The following ATP13A4 variants were observed in gnomAD, a reference collection of about 807,000 sequenced individuals.
ATP13A4 encodes ATPase 13A4.
A neutral mutation model predicts 142.5 loss-of-function variants in ATP13A4; 114 were observed. That is an observed-to-expected ratio of 0.80 (90% CI 0.69 to 0.93). The LOEUF is 0.93. Among genes scored for constraint, ATP13A4 ranks in the 40% least tolerant of loss-of-function variants. The pLI is 0.00. For missense variants in ATP13A4, 1,392 were observed against 1,454.0 expected (o/e 0.96, Z 0.69); for synonymous variants, 488 against 514.8 (o/e 0.95, Z 0.70).
chr3:193,440,728 G>A, intron 20 of ATP13A4, 91 bp from the exon 21 acceptor site: 1 of 1,338,430 alleles, frequency 7.5e-7, no homozygotes, highest in Non-Finnish European at 1.1e-6. Context: ...ACTGCATCAT[G>A]ACACTTACGA....
At chr3:193,530,901 C>T (rs1422551985) in intron 1 of ATP13A4, among the ~76,000 whole-genome samples, 1 of 152,130 alleles carries the variant, frequency 6.6e-6, no homozygotes, top group Non-Finnish European at 1.5e-5. Context: ...CTCTGTTCTC[C>T]TCATCCCACC....
intron 1 of ATP13A4, among the ~76,000 whole-genome samples, chr3:193,527,699 T>C (rs908853852): frequency 6.6e-6 from 1 of 151,816 alleles, no homozygotes; most frequent in African/African-American, 2.4e-5. Flanking sequence ...TCACCTTCCA[T>C]CATGATTGTA....
chr3:193,592,523 A>G (rs1285576322), intron 1 of ATP13A4, among the ~76,000 whole-genome samples: 1 of 152,226 alleles, frequency 6.6e-6, no homozygotes. Flanking sequence ...TGGCAGGCTC[A>G]CTGGCCACAA....
At chr3:193,507,084 CA>C (rs1013878532) in intron 2 of ATP13A4, among the ~76,000 whole-genome samples, 2 of 151,984 alleles carry the variant, frequency 1.3e-5, no homozygotes, top group South Asian at 2.1e-4. Flanking sequence ...GTTCACTACA[CA>C]AAAAAATGTA....
intron 25 of ATP13A4, among the ~76,000 whole-genome samples, chr3:193,425,412 C>T (rs1258991012): frequency 6.6e-6 from 1 of 151,578 alleles, no homozygotes; most frequent in African/African-American, 2.4e-5. Flanking sequence ...TCTGCACTCC[C>T]GTGTTTATTG....
At chr3:193,481,644 T>C (rs1288102409) in intron 8 of ATP13A4, among the ~76,000 whole-genome samples, 1 of 152,172 alleles carries the variant, frequency 6.6e-6, no homozygotes, top group Non-Finnish European at 1.5e-5. Context: ...ATCTATGGTA[T>C]TTTCTTGGCA....
intron 2 of ATP13A4, among the ~76,000 whole-genome samples, chr3:193,579,646 G>C (rs1174686092): frequency 6.6e-6 from 1 of 152,062 alleles, no homozygotes; most frequent in Non-Finnish European, 1.5e-5. Flanking sequence ...ACAGGATGTG[G>C]GGAGAAATGA....
chr3:193,497,858 A>T (rs1560233833), intron 3 of ATP13A4, among the ~76,000 whole-genome samples: 1 of 152,166 alleles, frequency 6.6e-6, no homozygotes. Context: ...TGTGAAATCT[A>T]AAAAAGCTGA....
At chr3:193,446,042 A>G (rs1427923324) in intron 18 of ATP13A4, among the ~76,000 whole-genome samples, 1 of 152,152 alleles carries the variant, frequency 6.6e-6, no homozygotes, top group Admixed American at 6.5e-5. Flanking sequence ...GCATGCCTGC[A>G]GTCCCAGTTA....
chr3:193,537,305 C>A (rs1259993349), intron 1 of ATP13A4, among the ~76,000 whole-genome samples: 1 of 152,064 alleles, frequency 6.6e-6, no homozygotes, highest in Non-Finnish European at 1.5e-5. Flanking sequence ...ATACACCCAA[C>A]AGATTTTTGA....
At chr3:193,547,610 TC>T (rs1168114179) in intron 1 of ATP13A4, among the ~76,000 whole-genome samples, 3 of 152,210 alleles carry the variant, frequency 2.0e-5, no homozygotes, top group African/African-American at 7.2e-5. Context: ...AATTGTTCCT[TC>T]TTCTGTGTTC....
intron 1 of ATP13A4, among the ~76,000 whole-genome samples, chr3:193,585,654 T>A (rs1724653753): frequency 6.6e-6 from 1 of 152,172 alleles, no homozygotes; most frequent in African/African-American, 2.4e-5. Flanking sequence ...GTTAGATTCA[T>A]TCGTGTTGTT....
intron 28 of ATP13A4, among the ~76,000 whole-genome samples, chr3:193,409,844 G>C (rs992130376): frequency 6.6e-6 from 1 of 152,112 alleles, no homozygotes; most frequent in Non-Finnish European, 1.5e-5. Context: ...AGTCTGATAC[G>C]CAATGATCAG....
At chr3:193,554,485 T>G in intron 1 of ATP13A4, 1 of 559,614 alleles carries the variant, frequency 1.8e-6, no homozygotes, top group South Asian at 2.0e-5. Flanking sequence ...CTCTCTGTTT[T>G]CTTTAAAAAG....
intron 3 of ATP13A4, among the ~76,000 whole-genome samples, chr3:193,499,597 A>G (rs1720425796): frequency 6.6e-6 from 1 of 152,220 alleles, no homozygotes; most frequent in East Asian, 1.9e-4. Flanking sequence ...TCCAGAGTTC[A>G]ATCTCTCAAA....
intron 8 of ATP13A4, among the ~76,000 whole-genome samples, chr3:193,478,806 A>G (rs1464023097): frequency 1.4e-5 from 2 of 147,610 alleles, no homozygotes; most frequent in Non-Finnish European, 3.0e-5. Flanking sequence ...CCAGGGAACG[A>G]CATAACAAAA....
chr3:193,553,725 T>A (rs1468321871), intron 1 of ATP13A4: 2 of 152,208 alleles, frequency 1.3e-5, no homozygotes, highest in Non-Finnish European at 2.9e-5. Context: ...GCAGAAGGGA[T>A]CTACTCTTGA....
intron 21 of ATP13A4, 92 bp downstream of exon 21, chr3:193,440,466 G>T: frequency 6.3e-7 from 1 of 1,591,260 alleles, no homozygotes; most frequent in Non-Finnish European, 8.6e-7. Flanking sequence ...CACTGCCCTT[G>T]TCAAACTGAG....
chr3:193,413,971 A>G (rs1714913492), intron 26 of ATP13A4, among the ~76,000 whole-genome samples: 1 of 152,140 alleles, frequency 6.6e-6, no homozygotes, highest in East Asian at 1.9e-4. Context: ...AGTCCTTAAT[A>G]AAAACCTGCT....
Sources: gnomAD v4.1 joint callset for allele counts (sites outside exome capture counted in the v4.1 genomes callset) on GRCh38, gnomAD v4.1.1 for gene constraint, MANE v1.5 for transcripts, NCBI Gene and HGNC (gene_info 2026-07-23, HGNC 2026-07-21) for gene names.